FSTL4: variants seen among roughly 807,000 people sequenced by gnomAD.
FSTL4 encodes the protein follistatin like 4.
FSTL4 carries 28 observed loss-of-function variants against 78.2 expected under a neutral mutation model. The observed-to-expected ratio is 0.36, with a 90% confidence interval of 0.27 to 0.49. The LOEUF (loss-of-function observed/expected upper bound fraction) is 0.49. Ranked by LOEUF, FSTL4 falls within the 20% of genes least tolerant of loss-of-function variation. The pLI is 0.98. For synonymous variants in FSTL4, 422 were observed against 440.5 expected, an observed-to-expected ratio of 0.96 and a Z score of 0.53; for missense variants, 922 against 1,084.9, an observed-to-expected ratio of 0.85 and a Z score of 2.11.
At chr5:133,246,214 C>T (rs969169657) in intron 7 of FSTL4, among the ~76,000 whole-genome samples, 9 of 152,184 alleles carry the variant, frequency 5.9e-5, no homozygotes, top group South Asian at 2.1e-4. Flanking sequence ...CTCCCACTGC[C>T]GTGGGGTGAA....
the FSTL4 span, among the ~76,000 whole-genome samples, chr5:133,692,671 C>G: frequency 3.3e-5 from 5 of 152,320 alleles, no homozygotes; most frequent in African/African-American, 1.2e-4. Flanking sequence ...CCTTACCTGT[C>G]TGGCCACAGG....
At chr5:133,724,877 G>A in the FSTL4 span, among the ~76,000 whole-genome samples, 3 of 152,066 alleles carry the variant, frequency 2.0e-5, no homozygotes, top group African/African-American at 4.8e-5. Context: ...AATCCATTTC[G>A]AGTTGACTTT....
At chr5:133,837,966 C>T in the FSTL4 span, among the ~76,000 whole-genome samples, 8 of 152,184 alleles carry the variant, frequency 5.3e-5, no homozygotes, top group Non-Finnish European at 1.2e-4. Context: ...CGGCTCACTG[C>T]AGCCTCTGTC....
At chr5:133,815,939 C>T in the FSTL4 span, among the ~76,000 whole-genome samples, 13 of 152,272 alleles carry the variant, frequency 8.5e-5, no homozygotes, top group Middle Eastern at 3.4e-3. Context: ...GACACTCCAG[C>T]CTGACATTTA....
intron 6 of FSTL4, among the ~76,000 whole-genome samples, chr5:133,300,139 G>A (rs1299531739): frequency 6.6e-6 from 1 of 152,236 alleles, no homozygotes; most frequent in Non-Finnish European, 1.5e-5. Flanking sequence ...CCTCAAGGGT[G>A]TTGGTGGAGG....
intron 11 of FSTL4, among the ~76,000 whole-genome samples, chr5:133,221,454 A>G (rs1414001937): frequency 7.7e-6 from 1 of 130,608 alleles, no homozygotes; most frequent in African/African-American, 2.9e-5. Flanking sequence ...GCCAGGCAGC[A>G]GAACCTACAC....
At chr5:133,460,934 C>T (rs1371971506) in intron 3 of FSTL4, among the ~76,000 whole-genome samples, 1 of 152,210 alleles carries the variant, frequency 6.6e-6, no homozygotes, top group Non-Finnish European at 1.5e-5. Context: ...TTCAGTGCTA[C>T]AATTTTTCTT....
At chr5:133,775,381 C>A in the FSTL4 span, among the ~76,000 whole-genome samples, 4 of 152,320 alleles carry the variant, frequency 2.6e-5, no homozygotes, top group Admixed American at 2.0e-4. Context: ...AACACCAGAT[C>A]ATGGGACACC....
chr5:133,674,264 T>C, the FSTL4 span, among the ~76,000 whole-genome samples: 2 of 152,126 alleles, frequency 1.3e-5, no homozygotes, highest in Non-Finnish European at 2.9e-5. Flanking sequence ...CCGAGTAAAA[T>C]GCATCAGCTG....
intron 3 of FSTL4, among the ~76,000 whole-genome samples, chr5:133,457,115 GAA>G (rs5871492): frequency 1.4e-5 from 2 of 138,048 alleles, no homozygotes; most frequent in African/African-American, 2.7e-5. Context: ...GATAGAGAAA[GAA>G]AAAAAAAAAG....
At chr5:133,781,215 G>A in the FSTL4 span, among the ~76,000 whole-genome samples, 2 of 152,108 alleles carry the variant, frequency 1.3e-5, 1 homozygote, top group African/African-American at 4.8e-5. Context: ...AACTACGCAG[G>A]CTATTTGGTG....
the FSTL4 span, among the ~76,000 whole-genome samples, chr5:133,622,892 A>T: frequency 6.6e-6 from 1 of 152,062 alleles, no homozygotes; most frequent in Non-Finnish European, 1.5e-5. Flanking sequence ...GCAGAGCAAA[A>T]GTTTTTAATT....
At chr5:133,360,832 C>T (rs905409140) in intron 4 of FSTL4, among the ~76,000 whole-genome samples, 5 of 152,144 alleles carry the variant, frequency 3.3e-5, no homozygotes, top group African/African-American at 7.2e-5. Context: ...TCTGAGATGG[C>T]GCGTCCCATT....
At chr5:133,331,546 C>T (rs1228760583) in intron 4 of FSTL4, among the ~76,000 whole-genome samples, 1 of 152,164 alleles carries the variant, frequency 6.6e-6, no homozygotes, top group Non-Finnish European at 1.5e-5. Flanking sequence ...GGGAAACTGC[C>T]TCAGAATGCT....
the FSTL4 span, among the ~76,000 whole-genome samples, chr5:133,825,331 C>T: frequency 6.6e-6 from 1 of 152,214 alleles, no homozygotes; most frequent in African/African-American, 2.4e-5. Flanking sequence ...GGGCACCAAA[C>T]TTTGGTCTGG....
intron 3 of FSTL4, among the ~76,000 whole-genome samples, chr5:133,473,172 T>C (rs1164230520): frequency 1.3e-5 from 2 of 152,182 alleles, no homozygotes; most frequent in East Asian, 3.8e-4. Context: ...TGTTCTAATC[T>C]AGTGCTCTGT....
intron 3 of FSTL4, among the ~76,000 whole-genome samples, chr5:133,453,216 C>T (rs1186718143): frequency 6.6e-6 from 1 of 152,162 alleles, no homozygotes; most frequent in Non-Finnish European, 1.5e-5. Flanking sequence ...AATTTTTTCT[C>T]CTTCCTGAAG....
chr5:133,517,463 TGC>T (rs1561453815), intron 3 of FSTL4, among the ~76,000 whole-genome samples: 1 of 16,258 alleles, frequency 6.2e-5, no homozygotes, highest in African/African-American at 2.0e-4. Flanking sequence ...TATATATATA[TGC>T]ACACACACAC....
At chr5:133,641,889 C>T in the FSTL4 span, among the ~76,000 whole-genome samples, 4 of 150,792 alleles carry the variant, frequency 2.7e-5, no homozygotes, top group Admixed American at 2.7e-4. Context: ...CTCCTTCTTC[C>T]CCCCTCCTCT....
Sources: gnomAD v4.1 joint callset for allele counts (sites outside exome capture counted in the v4.1 genomes callset) on GRCh38, gnomAD v4.1.1 for gene constraint, MANE v1.5 for transcripts, NCBI Gene and HGNC (gene_info 2026-07-23, HGNC 2026-07-21) for gene names.